Variants in EML1 observed in about 807,000 individuals in gnomAD.
The protein encoded by EML1 is echinoderm microtubule-associated protein-like 1.
Under a neutral mutation model 110.4 loss-of-function variants are expected in EML1, and 27 were observed. The observed-to-expected ratio is 0.24, with a 90% CI of 0.18 to 0.34. The LOEUF (loss-of-function observed/expected upper bound fraction) is 0.34, where lower values mean the gene tolerates loss of function less well. EML1 is among the 10% of genes least tolerant of loss of function. The pLI is 1.00. For synonymous variants in EML1, 344 were observed against 385.8 expected (o/e 0.89, Z 1.27); for missense variants, 741 against 1,030.9 (o/e 0.72, Z 3.85).
At position 99,941,302 on chromosome 14, in the gene EML1, A is replaced by G. The variant is rs1244169408; in HGVS notation, c.*1190A>G. On this transcript the variant is annotated 3_prime_UTR_variant, in exon 22 of 22. Coordinates refer to ENST00000262233, the MANE Select transcript of EML1 (RefSeq NM_004434.3). ...GAGTAATAAACAGACTTTAAAGCAA[A>G]TATTAAGATTTTTACTCATTCAAGG... 1.3e-5 allele frequency: 2 copies of G among 152,212 alleles called. No homozygotes were observed. 9.4% of individuals were successfully genotyped at this position (152,212 alleles called of 1,614,324 possible).
chr14:99,748,061 C>G (rs1382908564), intron 1 of EML1, among the ~76,000 whole-genome samples: 1 of 152,194 alleles, frequency 6.6e-6, no homozygotes, highest in Admixed American at 6.5e-5. Flanking sequence ...AGGAGCCCCA[C>G]TCACTGCCAA....
At chr14:99,830,771 G>A (rs904930863) in intron 1 of EML1, among the ~76,000 whole-genome samples, 84 of 152,110 alleles carry the variant, frequency 5.5e-4, no homozygotes, top group African/African-American at 1.5e-3. Flanking sequence ...GGCTGGTCTC[G>A]AACTCCTGAC....
In EML1 at chr14:99,905,928, G is replaced by GC. The variant is rs922119223; in HGVS notation, c.1009-1702dup. Among the ~76,000 whole-genome samples, 15 of 151,288 alleles carry GC rather than the reference G, an allele frequency of 9.9e-5. No individual in the cohort carries two copies. The Middle Eastern group carries it at 0.01, about 103-fold the overall frequency. Reference sequence around the variant, plus strand: ...AATCCCATCCTTTGCCCAGGTGTGTGCCCCCCCCTTACCCAAAATCAGCCA... The same window carrying GC: ...AATCCCATCCTTTGCCCAGGTGTGTGCCCCCCCCCTTACCCAAAATCAGCCA... On this transcript the variant is annotated intron_variant, in intron 9 of 21. Coordinates refer to ENST00000262233, the MANE Select transcript of EML1 (RefSeq NM_004434.3). This position sits in a 1 kb window ranked among gnomAD's most constrained non-coding sequence, Gnocchi z 4.1.
intron 1 of EML1, among the ~76,000 whole-genome samples, chr14:99,842,463 A>G (rs1383677356): frequency 7.6e-6 from 1 of 131,112 alleles, no homozygotes; most frequent in Non-Finnish European, 1.8e-5. Flanking sequence ...AAGTAAGAAA[A>G]TCCATTACAG....
intron 1 of EML1, among the ~76,000 whole-genome samples, chr14:99,749,280 G>A (rs745581114): frequency 1.5e-4 from 23 of 152,294 alleles, no homozygotes; most frequent in Non-Finnish European, 2.2e-4. Flanking sequence ...TCCCACCTGC[G>A]GGGCATGCTG....
At chr14:99,894,326 TAAAAG>T (rs2059637014) in intron 5 of EML1, 1 of 182,078 alleles carries the variant, frequency 5.5e-6, no homozygotes, top group Non-Finnish European at 1.1e-5. Flanking sequence ...CTCCTGATGA[TAAAAG>T]AAAGTAAACA....
rs1229504915 is a variant in EML1, at chr14:99,941,016, AC to A, written c.*906del. The A allele has an allele frequency of 6.6e-6, 1 of 152,252 alleles. No homozygotes were observed. Among genetic ancestry groups the A allele is most frequent in the African/African-American group, 2.4e-5 (1 of 41,458 alleles). 9.4% of individuals were successfully genotyped at this position (152,252 alleles called of 1,614,324 possible). ...ATATTTGTATTTTATGACCAAGTAG[AC>A]CAAGTCAGAAAGATCTCTCTCGAGC... is the stretch of plus-strand genomic sequence containing the variant. On this transcript the variant is annotated 3_prime_UTR_variant, in exon 22 of 22. Coordinates refer to ENST00000262233, the MANE Select transcript of EML1 (RefSeq NM_004434.3).
At chr14:99,923,257 G>C (rs898613376) in intron 17 of EML1, among the ~76,000 whole-genome samples, 8 of 152,122 alleles carry the variant, frequency 5.3e-5, no homozygotes, top group African/African-American at 1.7e-4. Context: ...TTTTCTTAAT[G>C]GGGTTTTTTA....
At position 99,827,780 on chromosome 14, in the gene EML1, G is replaced by A. The variant is rs2058384476; in HGVS notation, c.68-23073G>A. Reference sequence around the variant, plus strand: ...TTGATCTCAGATGTCCAGCCTCCAGGATTGTTTAAGCCCCCCAGTCTGTAG... The same window carrying A: ...TTGATCTCAGATGTCCAGCCTCCAGAATTGTTTAAGCCCCCCAGTCTGTAG... On this transcript the variant is annotated intron_variant, in intron 1 of 21. Coordinates refer to ENST00000262233, the MANE Select transcript of EML1 (RefSeq NM_004434.3). The surrounding 1 kb of genome is among the most constrained non-coding windows in gnomAD (Gnocchi z 4.4). 1.3e-5 allele frequency among the ~76,000 whole-genome samples: 2 copies of A among 152,138 alleles called. No individual in the cohort carries two copies. The highest frequency in any genetic ancestry group is 4.8e-5 in the African/African-American group (2 of 41,432).
chr14:99,753,045 C>A (rs1566849283), intron 1 of EML1, among the ~76,000 whole-genome samples: 1 of 152,054 alleles, frequency 6.6e-6, no homozygotes, highest in Non-Finnish European at 1.5e-5. Context: ...GGCCCAGCCT[C>A]AGTTTCCCTC....
rs574311393 is a variant in EML1, at chr14:99,930,363, G to A, written c.1910-5666G>A. Among the ~76,000 whole-genome samples, 314 of 152,310 alleles carry A rather than the reference G, an allele frequency of 2.1e-3. 2 individuals are homozygous for A. Among genetic ancestry groups the A allele is most frequent in the African/African-American group, 7.0e-3 (292 of 41,562 alleles). ...CAGAAAGTCAGCACTGGAACTCTGG[G>A]CACACGCCTGGAACGCAACCACGAA... On this transcript the variant is annotated intron_variant, in intron 17 of 21. Transcript: ENST00000262233.
At chr14:99,935,638 C>A (rs1256701798) in intron 17 of EML1, among the ~76,000 whole-genome samples, 1 of 152,076 alleles carries the variant, frequency 6.6e-6, no homozygotes, top group South Asian at 2.1e-4. Context: ...AAAAAATTAG[C>A]CAAGCGTGGT....
chr14:99,901,296 G>A (rs751401161), intron 9 of EML1, among the ~76,000 whole-genome samples: 7 of 152,106 alleles, frequency 4.6e-5, no homozygotes, highest in Non-Finnish European at 8.8e-5. Flanking sequence ...CAGAGATATC[G>A]TCCTCACTTT....
At chr14:99,807,391 G>C (rs190293604) in intron 1 of EML1, among the ~76,000 whole-genome samples, 22 of 152,328 alleles carry the variant, frequency 1.4e-4, no homozygotes, top group Admixed American at 1.4e-3. Context: ...CGATTCTAGA[G>C]AGTCCTGGCA....
intron 4 of EML1, among the ~76,000 whole-genome samples, chr14:99,879,504 G>A (rs1382653367): frequency 1.3e-5 from 2 of 152,114 alleles, no homozygotes; most frequent in Admixed American, 6.5e-5. Flanking sequence ...CCAACCCACA[G>A]GCTATAAAAC....
chr14:99,809,721 AATC>A lies in EML1; in HGVS notation c.67+16181_67+16183del, dbSNP rs1300764381. On this transcript the variant is annotated intron_variant, in intron 1 of 21. Transcript: ENST00000262233. ...GCTAGTTGGATTTGGCCTGATCTGA[AATC>A]ATTTGATGGGTGGGGAGAACTCCTC... 3.1e-5 allele frequency: 14 copies of A among 456,100 alleles called. No homozygotes were observed. In the East Asian group the frequency reaches 9.0e-4, roughly 29 times the overall value. 28.3% of individuals were successfully genotyped at this position (456,100 alleles called of 1,614,324 possible).
intron 11 of EML1, 129 bp downstream of exon 11, chr14:99,909,608 C>A: frequency 8.2e-7 from 1 of 1,215,702 alleles, no homozygotes. Context: ...AAGCGTGTCA[C>A]ACCTGGTAGA....
intron 9 of EML1, chr14:99,907,368 TGGGG>T (rs2059868369): frequency 2.5e-6 from 1 of 403,866 alleles, no homozygotes; most frequent in Non-Finnish European, 4.4e-6. Flanking sequence ...CATGGGAGGC[TGGGG>T]TAGGAGGATT....
intron 1 of EML1, among the ~76,000 whole-genome samples, chr14:99,807,916 A>G (rs1218030202): frequency 2.0e-5 from 3 of 152,124 alleles, no homozygotes; most frequent in Non-Finnish European, 2.9e-5. Context: ...TGGTCTTACC[A>G]CACCCCTCTG....
Sources: allele counts gnomAD v4.1 joint callset (sites outside exome capture counted in the v4.1 genomes callset), GRCh38; gene constraint gnomAD v4.1.1; non-coding constraint Gnocchi (gnomAD v3.1); transcripts MANE v1.5; gene names NCBI Gene and HGNC (gene_info 2026-07-23, HGNC 2026-07-21).